The following PARD3B variants were observed in gnomAD, a reference collection of about 807,000 sequenced individuals.
PARD3B encodes the protein partitioning defective 3 homolog B.
Under a neutral mutation model 130.2 loss-of-function variants are expected in PARD3B, and 103 were observed. The observed-to-expected ratio is 0.79, with a 90% CI of 0.67 to 0.93. The LOEUF is 0.93. PARD3B is among the 40% of genes least tolerant of loss of function. The probability of loss-of-function intolerance (pLI) is 0.00; values close to 1 mark genes in which losing one functional copy is unlikely to be tolerated. For missense variants in PARD3B, 1,609 were observed against 1,499.2 expected, an observed-to-expected ratio of 1.07 and a Z score of -1.21; for synonymous variants, 583 against 553.2, an observed-to-expected ratio of 1.05 and a Z score of -0.76.
chr2:205,370,397 A>G (rs2044766439), intron 18 of PARD3B, among the ~76,000 whole-genome samples: 4 of 152,230 alleles, frequency 2.6e-5, no homozygotes, highest in African/African-American at 9.6e-5. Flanking sequence ...TTTCAATTAA[A>G]CAAATGCAGT....
At chr2:204,764,158 A>T (rs1287519894) in intron 2 of PARD3B, among the ~76,000 whole-genome samples, 1 of 152,126 alleles carries the variant, frequency 6.6e-6, no homozygotes, top group East Asian at 1.9e-4. Flanking sequence ...GCTGTTTTAC[A>T]GTTGAATATA....
chr2:204,665,417 C>T (rs545109227), intron 1 of PARD3B, among the ~76,000 whole-genome samples: 1 of 152,252 alleles, frequency 6.6e-6, no homozygotes, highest in South Asian at 2.1e-4. Context: ...TGTGGTCCCA[C>T]TCCCAATGGC....
chr2:205,549,631 A>G lies in PARD3B; in HGVS notation c.3181-3693A>G, dbSNP rs74431717. On this transcript the variant is annotated intron_variant, in intron 21 of 22. Coordinates refer to ENST00000406610, the MANE Select transcript of PARD3B (RefSeq NM_001302769.2). Reference sequence around the variant, plus strand: ...TCATTGGTTACCAGGACCTGGGGGAAGGAGTGATGAATAGGCAGAGCACTT... The same window carrying G: ...TCATTGGTTACCAGGACCTGGGGGAGGGAGTGATGAATAGGCAGAGCACTT... Among the ~76,000 whole-genome samples, 14 of 152,286 alleles carry G rather than the reference A, an allele frequency of 9.2e-5. No homozygotes were observed. In the East Asian group the frequency reaches 2.7e-3, roughly 29 times the overall value.
intron 2 of PARD3B, among the ~76,000 whole-genome samples, chr2:204,791,001 A>C (rs2125475288): frequency 6.6e-6 from 1 of 152,206 alleles, no homozygotes; most frequent in South Asian, 2.1e-4. Context: ...GCTACTCGGG[A>C]GGCTGAGGCA....
rs1333963413 is a variant in PARD3B, at chr2:205,568,752, T to A, written c.3260+15349T>A. ...TTCGTCAGATGGCCCTGGTCGTGTG[T>A]CTTCCATGGTCTCCACAGTCTCACC... On this transcript the variant is annotated intron_variant, in intron 22 of 22. Coordinates refer to ENST00000406610, the MANE Select transcript of PARD3B (RefSeq NM_001302769.2). This position sits in a 1 kb window ranked among gnomAD's most constrained non-coding sequence, Gnocchi z 5.3. 6.6e-6 allele frequency among the ~76,000 whole-genome samples: 1 copy of A among 152,200 alleles called. No homozygotes were observed. The highest frequency in any genetic ancestry group is 1.9e-4 in the East Asian group (1 of 5,194).
chr2:205,138,612 G>T (rs1228889686), intron 10 of PARD3B, among the ~76,000 whole-genome samples: 2 of 152,140 alleles, frequency 1.3e-5, no homozygotes, highest in Non-Finnish European at 2.9e-5. Flanking sequence ...GAACTGAATT[G>T]TCTTTTAAGA....
chr2:204,783,883 G>C (rs930683263), intron 2 of PARD3B, among the ~76,000 whole-genome samples: 3 of 152,042 alleles, frequency 2.0e-5, no homozygotes, highest in African/African-American at 7.2e-5. Flanking sequence ...TCTTCGATGA[G>C]ATTTCTTTTG....
rs139978725 is a variant in PARD3B at position 205,360,728 on chromosome 2, C to G, written c.2631-40285C>G. On this transcript the variant is annotated intron_variant, in intron 18 of 22. Coordinates refer to ENST00000406610, the MANE Select transcript of PARD3B (RefSeq NM_001302769.2). ...AGGTCTGAATCCCAGGTCTGTGACA[C>G]ACTAGCTTTGTGGCAGCTGCTAACT... Among the ~76,000 whole-genome samples the G allele has an allele frequency of 3.3e-5, 5 of 152,288 alleles. No homozygotes were observed. In the East Asian group the frequency reaches 9.7e-4, roughly 29 times the overall value.
chr2:205,392,573 C>T (rs1467282636), intron 18 of PARD3B, among the ~76,000 whole-genome samples: 6 of 152,132 alleles, frequency 3.9e-5, no homozygotes, highest in Non-Finnish European at 5.9e-5. Flanking sequence ...AACTTAATTT[C>T]AGGGTTTAAA....
At position 205,253,709 on chromosome 2, in the gene PARD3B, G is replaced by A. The variant is rs148413070; in HGVS notation, c.2185+7887G>A. ...AGGATGATTGGGAGTAGAAGGAAGA[G>A]TGACAGGCTAGCATGAGCTGTGCAG... On this transcript the variant is annotated intron_variant, in intron 16 of 22. Transcript: ENST00000406610. The surrounding 1 kb of genome is among the most constrained non-coding windows in gnomAD (Gnocchi z 4.4). Among the ~76,000 whole-genome samples, 873 of 152,274 alleles carry A rather than the reference G, an allele frequency of 5.7e-3. 6 individuals are homozygous for A. The highest frequency in any genetic ancestry group is 9.6e-3 in the Non-Finnish European group (653 of 68,000).
intron 10 of PARD3B, among the ~76,000 whole-genome samples, chr2:205,157,825 G>C (rs1013330337): frequency 6.6e-6 from 1 of 152,112 alleles, no homozygotes; most frequent in African/African-American, 2.4e-5. Flanking sequence ...GCAGAAGGGA[G>C]ACCCACAAAG....
rs200423496 is a variant in PARD3B at position 205,098,388 on chromosome 2, T to A, written c.505-6038T>A. Among the ~76,000 whole-genome samples the A allele has an allele frequency of 2.0e-4, 30 of 152,292 alleles. No individual in the cohort carries two copies. The East Asian group carries it at 4.4e-3, about 23-fold the overall frequency. On this transcript the variant is annotated intron_variant, in intron 4 of 22. Coordinates refer to ENST00000406610, the MANE Select transcript of PARD3B (RefSeq NM_001302769.2). ...GGGGAAAAATCATGGCCATATATGATCACCTGTAAATCAGAGGGAGATACT... is the reference window on the plus strand; with the variant it reads ...GGGGAAAAATCATGGCCATATATGAACACCTGTAAATCAGAGGGAGATACT...
chr2:205,121,909 C>A lies in PARD3B; in HGVS notation c.1125C>A (p.Ser375Arg). 1 of 1,612,026 alleles carries A rather than the reference C, an allele frequency of 6.2e-7. No individual in the cohort carries two copies. Among genetic ancestry groups the A allele is most frequent in the Non-Finnish European group, 8.5e-7 (1 of 1,179,350 alleles). Residue 375 changes from serine to arginine, a missense_variant, in exon 8 of 23, where the codon AGC becomes AGA. Coordinates refer to ENST00000406610, the MANE Select transcript of PARD3B (RefSeq NM_001302769.2). The surrounding 1 kb of genome is among the most constrained non-coding windows in gnomAD (Gnocchi z 5.0). Reference protein sequence around the residue: ...PSLSPLMGFGSNKNAKKIKID... With the variant: ...PSLSPLMGFGRNKNAKKIKID... ...TCTCGCCTCTCATGGGATTTGGCAG[C>A]AATAAAAATGCAAAGAAAATTAAGA...
chr2:205,207,950 A>G (rs1401233158), intron 15 of PARD3B, among the ~76,000 whole-genome samples: 2 of 114,262 alleles, frequency 1.8e-5, no homozygotes, highest in African/African-American at 3.8e-5. Flanking sequence ...CTTGATAAAC[A>G]TTGATGCAAA....
At position 205,007,559 on chromosome 2, in the gene PARD3B, C is replaced by T. The variant is rs181458894; in HGVS notation, c.395-40022C>T. Among the ~76,000 whole-genome samples, 762 of 152,242 alleles carry T rather than the reference C, an allele frequency of 5.0e-3. 14 individuals carry two copies. The highest frequency in any genetic ancestry group is 6.0e-3 in the Non-Finnish European group (410 of 68,010). On this transcript the variant is annotated intron_variant, in intron 3 of 22. Transcript: ENST00000406610. ...TATGTGCCTGTTTTTATACCACTAC[C>T]GTGCTGTTTTGGTGAGTATAGCCTT...
At position 205,383,182 on chromosome 2, in the gene PARD3B, A is replaced by T. The variant is rs1402940375; in HGVS notation, c.2631-17831A>T. On this transcript the variant is annotated intron_variant, in intron 18 of 22. Transcript: ENST00000406610. ...CTACACATATCTATATTTACTTCCA[A>T]ATCTATCTGTATGCACATTAAAAAA... Among the ~76,000 whole-genome samples, 6 of 136,780 alleles carry T rather than the reference A, an allele frequency of 4.4e-5. No homozygotes were observed. The Admixed American group carries it at 4.8e-4, about 11-fold the overall frequency. The allele number at this position is 136,780 out of a possible 152,430, so 89.7% of individuals were successfully genotyped here.
intron 2 of PARD3B, among the ~76,000 whole-genome samples, chr2:204,746,213 T>C (rs1248817970): frequency 2.7e-5 from 4 of 145,832 alleles, no homozygotes; most frequent in Admixed American, 7.1e-5. Context: ...TTCCCACCTA[T>C]GAGTGAGAAC....
At chr2:204,865,250 C>A (rs2125635811) in intron 2 of PARD3B, among the ~76,000 whole-genome samples, 1 of 152,254 alleles carries the variant, frequency 6.6e-6, no homozygotes, top group Middle Eastern at 3.4e-3. Context: ...ACCATTTGAT[C>A]CAGAAATCCC....
At chr2:205,154,001 A>C (rs913320426) in intron 10 of PARD3B, among the ~76,000 whole-genome samples, 6 of 152,158 alleles carry the variant, frequency 3.9e-5, no homozygotes, top group South Asian at 2.1e-4. Context: ...GACTTCATGA[A>C]TAAAACACCA....
Sources: allele counts gnomAD v4.1 joint callset (sites outside exome capture counted in the v4.1 genomes callset), GRCh38; gene constraint gnomAD v4.1.1; non-coding constraint Gnocchi (gnomAD v3.1); transcripts MANE v1.5; gene names NCBI Gene and HGNC (gene_info 2026-07-23, HGNC 2026-07-21).